Variants in DENND1A observed in about 807,000 individuals in gnomAD.
DENND1A encodes DENN domain containing 1A, also known as DENN domain-containing protein 1A.
DENND1A carries 51 observed loss-of-function variants against 113.7 expected under a neutral mutation model. That is an observed-to-expected ratio of 0.45 (90% CI 0.36 to 0.57). The LOEUF (loss-of-function observed/expected upper bound fraction) is 0.57, where lower values mean the gene tolerates loss of function less well. Ranked by LOEUF, DENND1A falls within the 20% of genes least tolerant of loss-of-function variation. DENND1A has a pLI of 0.00. For missense variants in DENND1A, 1,258 were observed against 1,395.9 expected (o/e 0.90, Z 1.57); for synonymous variants, 565 against 570.8 (o/e 0.99, Z 0.14).
rs1387276918 is a variant in DENND1A, at chr9:123,382,007, G to C, written c.2638C>G (p.Pro880Ala). ...GGGAATGGGGTGGGTGTCCCTGCAG[G>C]GGGGAAGCTGAATTGGGGGGTGAAT... ...TPFTPQFSFP[P>A]AGTPTPFPQP... is the part of the protein sequence containing the mutation. The change falls in exon 24 of 24, where the codon CCT becomes GCT. Residue 880 changes from proline to alanine, a missense_variant. Around this residue, in one of 2 missense-constraint regions of DENND1A, gnomAD observed 1,159 missense variants for 1,231.7 expected, o/e 0.94. Transcript: ENST00000394215. 1.9e-5 allele frequency: 28 copies of C among 1,485,656 alleles called. No individual in the cohort carries two copies. The highest frequency in any genetic ancestry group is 2.3e-5 in the Non-Finnish European group (26 of 1,119,266). The allele number at this position is 1,485,656 out of a possible 1,614,324, so 92.0% of individuals were successfully genotyped here. A position where few individuals can be genotyped will look rare whatever the true frequency, so the allele number is the denominator to read the frequency against.
chr9:123,669,280 A>G (rs1308996110), intron 7 of DENND1A, among the ~76,000 whole-genome samples: 1 of 152,168 alleles, frequency 6.6e-6, no homozygotes, highest in African/African-American at 2.4e-5. Flanking sequence ...TCAGAAATGC[A>G]ATATGGAGAG....
intron 13 of DENND1A, among the ~76,000 whole-genome samples, chr9:123,478,745 C>A (rs1256812912): frequency 6.6e-6 from 1 of 152,174 alleles, no homozygotes; most frequent in Non-Finnish European, 1.5e-5. Flanking sequence ...CAGGTATTCA[C>A]CATAAAATTC....
intron 11 of DENND1A, among the ~76,000 whole-genome samples, chr9:123,593,039 T>C (rs1648777818): frequency 6.6e-6 from 1 of 152,200 alleles, no homozygotes; most frequent in African/African-American, 2.4e-5. Context: ...AGATTCTATT[T>C]CACTGTTAGA....
chr9:123,907,731 T>C (rs1347741844), intron 1 of DENND1A, among the ~76,000 whole-genome samples: 4 of 148,480 alleles, frequency 2.7e-5, no homozygotes, highest in African/African-American at 5.0e-5. Flanking sequence ...TCCATGCTCA[T>C]AGGTAGGAAG....
At chr9:123,592,694 G>A (rs1190136794) in intron 11 of DENND1A, among the ~76,000 whole-genome samples, 1 of 152,134 alleles carries the variant, frequency 6.6e-6, no homozygotes, top group Non-Finnish European at 1.5e-5. Flanking sequence ...TTTGAGAGAT[G>A]AGGTCTTGCT....
At chr9:123,685,280 G>C (rs1359069479) in intron 5 of DENND1A, among the ~76,000 whole-genome samples, 1 of 152,192 alleles carries the variant, frequency 6.6e-6, no homozygotes, top group Non-Finnish European at 1.5e-5. Flanking sequence ...CTCTAAGCCA[G>C]TCTCACCCAG....
At chr9:123,431,169 G>A (rs1424556549) in intron 19 of DENND1A, among the ~76,000 whole-genome samples, 3 of 152,192 alleles carry the variant, frequency 2.0e-5, no homozygotes, top group African/African-American at 7.2e-5. Flanking sequence ...TTAGGTTGAT[G>A]CCAAAGTAAT....
At chr9:123,612,851 T>G (rs1395161930) in intron 10 of DENND1A, among the ~76,000 whole-genome samples, 1 of 152,186 alleles carries the variant, frequency 6.6e-6, no homozygotes, top group Non-Finnish European at 1.5e-5. Context: ...CTTTCAGGAT[T>G]GTTGTAGAGA....
At position 123,627,739 on chromosome 9, in the gene DENND1A, CAAAAAAAA is replaced by C. The variant is rs764341977; in HGVS notation, c.719+2629_719+2636del. Among the ~76,000 whole-genome samples the C allele has an allele frequency of 1.2e-4, 7 of 57,804 alleles. No homozygotes were observed. In the South Asian group the frequency reaches 4.5e-3, roughly 37 times the overall value. The allele number at this position is 57,804 out of a possible 152,430, so 37.9% of individuals were successfully genotyped here. A position where few individuals can be genotyped will look rare whatever the true frequency, so the allele number is the denominator to read the frequency against. On this transcript the variant is annotated intron_variant, in intron 10 of 23. Coordinates refer to ENST00000394215, the MANE Select transcript of DENND1A (RefSeq NM_001352964.2). The stretch of plus-strand genomic sequence containing the variant: ...TGGGCAACAGAGCAAAACTCTGTCT[CAAAAAAAA>C]AAAAAAAAAAAGAGAGAGAGAGCGA...
In DENND1A at chr9:123,457,786, G is replaced by A; in HGVS notation, c.1098+7C>T. 1 of 1,604,252 alleles carries A rather than the reference G, an allele frequency of 6.2e-7. No individual in the cohort carries two copies. The highest frequency in any genetic ancestry group is 1.3e-5 in the African/African-American group (1 of 74,714). Reference sequence around the variant, plus strand: ...CCAGACCCAGGCCAGACCAGGGAGGGAGGCACCTGCTTGAAGAGCTGCAGC... The same window carrying A: ...CCAGACCCAGGCCAGACCAGGGAGGAAGGCACCTGCTTGAAGAGCTGCAGC... On this transcript the variant is annotated splice_region_variant and intron_variant, in intron 14 of 23. Transcript: ENST00000394215.
At chr9:123,524,704 C>A (rs2054670656) in intron 13 of DENND1A, among the ~76,000 whole-genome samples, 2 of 152,194 alleles carry the variant, frequency 1.3e-5, no homozygotes, top group African/African-American at 4.8e-5. Flanking sequence ...TCTCAGGCTG[C>A]CCTCTGATGG....
intron 13 of DENND1A, among the ~76,000 whole-genome samples, chr9:123,480,459 T>C (rs1360370626): frequency 6.6e-6 from 1 of 152,238 alleles, no homozygotes; most frequent in African/African-American, 2.4e-5. Context: ...TCCCATACGC[T>C]GTGCTTTCAA....
chr9:123,849,559 T>C (rs1434979127), intron 2 of DENND1A, among the ~76,000 whole-genome samples: 1 of 152,230 alleles, frequency 6.6e-6, no homozygotes, highest in East Asian at 1.9e-4. Flanking sequence ...CTGATGGAGA[T>C]ATACAAGGAG....
At chr9:123,527,994 C>A (rs1287018121) in intron 13 of DENND1A, among the ~76,000 whole-genome samples, 1 of 152,198 alleles carries the variant, frequency 6.6e-6, no homozygotes, top group African/African-American at 2.4e-5. Context: ...GTGAACGCAC[C>A]TGCCATCACA....
intron 13 of DENND1A, among the ~76,000 whole-genome samples, chr9:123,543,734 G>A (rs776637380): frequency 2.7e-4 from 41 of 152,244 alleles, no homozygotes; most frequent in Non-Finnish European, 4.1e-4. Context: ...AGACACATCC[G>A]TCCCTGGGAA....
chr9:123,699,980 G>T (rs1023160055), intron 5 of DENND1A, among the ~76,000 whole-genome samples: 1 of 152,078 alleles, frequency 6.6e-6, no homozygotes, highest in Non-Finnish European at 1.5e-5. Context: ...TTACAGGTGT[G>T]AGCCACTATG....
At chr9:123,854,261 G>A (rs185752570) in intron 2 of DENND1A, among the ~76,000 whole-genome samples, 23 of 152,162 alleles carry the variant, frequency 1.5e-4, no homozygotes, top group Admixed American at 4.6e-4. Flanking sequence ...TCTCCTGCCC[G>A]GGAACTTCAG....
intron 12 of DENND1A, among the ~76,000 whole-genome samples, chr9:123,572,696 C>T (rs542354332): frequency 3.9e-5 from 6 of 152,078 alleles, no homozygotes; most frequent in Admixed American, 1.3e-4. Context: ...GATAAAAGTC[C>T]TTTTTTAGGT....
intron 21 of DENND1A, among the ~76,000 whole-genome samples, chr9:123,402,262 A>ACG (rs1491165404): frequency 6.8e-6 from 1 of 147,084 alleles, no homozygotes; most frequent in African/African-American, 2.5e-5. Flanking sequence ...ACACACACAC[A>ACG]CGCACGCACA....
Sources: allele counts gnomAD v4.1 joint callset (sites outside exome capture counted in the v4.1 genomes callset), GRCh38; gene constraint gnomAD v4.1.1; regional missense constraint gnomAD v4.1.1; transcripts MANE v1.5; gene names NCBI Gene and HGNC (gene_info 2026-07-23, HGNC 2026-07-21).